The following CNTNAP5 variants were observed in gnomAD, a reference collection of about 807,000 sequenced individuals.
The protein encoded by CNTNAP5 is contactin associated protein family member 5.
Under a neutral mutation model 150.2 loss-of-function variants are expected in CNTNAP5, and 72 were observed. The observed-to-expected ratio is 0.48, with a 90% CI of 0.40 to 0.58. The LOEUF (loss-of-function observed/expected upper bound fraction) is 0.58, where lower values mean the gene tolerates loss of function less well. Ranked by LOEUF, CNTNAP5 falls within the 20% of genes least tolerant of loss-of-function variation. CNTNAP5 has a pLI of 0.00. For missense variants in CNTNAP5, 1,636 were observed against 1,626.2 expected, an observed-to-expected ratio of 1.01 and a Z score of -0.10; for synonymous variants, 672 against 619.8, an observed-to-expected ratio of 1.08 and a Z score of -1.25.
intron 1 of CNTNAP5, among the ~76,000 whole-genome samples, chr2:124,078,062 A>G (rs1682478619): frequency 6.6e-6 from 1 of 152,250 alleles, no homozygotes; most frequent in Non-Finnish European, 1.5e-5. Flanking sequence ...AAAATATTAC[A>G]AAAGATAGAG....
At chr2:124,069,231 G>A (rs1682239638) in intron 1 of CNTNAP5, among the ~76,000 whole-genome samples, 1 of 152,176 alleles carries the variant, frequency 6.6e-6, no homozygotes. Context: ...AGTGGTTATG[G>A]TGGCCACGAT....
At chr2:124,510,317 A>ATATCTATATATATATATCTATC (rs1694542687) in intron 8 of CNTNAP5, among the ~76,000 whole-genome samples, 1 of 123,110 alleles carries the variant, frequency 8.1e-6, no homozygotes, top group Non-Finnish European at 1.6e-5. Flanking sequence ...ATATATCTAT[A>ATATCTATATATATATATCTATC]TATCTATCTA....
chr2:124,842,443 A>G (rs1682963700), intron 19 of CNTNAP5, among the ~76,000 whole-genome samples: 1 of 152,118 alleles, frequency 6.6e-6, no homozygotes, highest in African/African-American at 2.4e-5. Context: ...AATTCAATGT[A>G]TTTTTATTTC....
Position 124,289,214 on chromosome 2 carries a change from G to A in CNTNAP5, c.381+46821G>A, listed in dbSNP as rs1437828349. ...TTTACTTTTTAATCTTCTAAAGACC[G>A]TTTCACTAATTAGACACCTATCATT... On this transcript the variant is annotated intron_variant, in intron 3 of 23. Transcript: ENST00000682447. Among the ~76,000 whole-genome samples the A allele has an allele frequency of 3.3e-5, 5 of 152,146 alleles. No homozygotes were observed. The East Asian group carries it at 5.8e-4, about 18-fold the overall frequency.
chr2:124,214,420 G>T lies in CNTNAP5; in HGVS notation c.83-7285G>T, dbSNP rs561764267. On this transcript the variant is annotated intron_variant, in intron 1 of 23. Coordinates refer to ENST00000682447, the MANE Select transcript of CNTNAP5 (RefSeq NM_001367498.1). Reference sequence around the variant, plus strand: ...TCTGGCCCCATCACCAGTCACTATTGCAGTGCAGGGAGTGGTGCTGTGTTT... The same window carrying T: ...TCTGGCCCCATCACCAGTCACTATTTCAGTGCAGGGAGTGGTGCTGTGTTT... Among the ~76,000 whole-genome samples the T allele has an allele frequency of 2.6e-5, 4 of 152,262 alleles. No homozygotes were observed. In the East Asian group the frequency reaches 7.7e-4, roughly 29 times the overall value.
At chr2:124,325,985 G>A (rs1003416504) in intron 3 of CNTNAP5, among the ~76,000 whole-genome samples, 1 of 152,166 alleles carries the variant, frequency 6.6e-6, no homozygotes, top group Non-Finnish European at 1.5e-5. Context: ...TAAGATTTCA[G>A]CTCAGCCATG....
chr2:124,470,352 A>G (rs1490693616), intron 6 of CNTNAP5, among the ~76,000 whole-genome samples: 2 of 151,934 alleles, frequency 1.3e-5, no homozygotes, highest in Non-Finnish European at 2.9e-5. Context: ...TATGCTTGTT[A>G]GCTGCATGTA....
chr2:124,251,737 T>C (rs558168406), intron 3 of CNTNAP5, among the ~76,000 whole-genome samples: 1 of 152,292 alleles, frequency 6.6e-6, no homozygotes, highest in East Asian at 1.9e-4. Flanking sequence ...AGTTTCTGAC[T>C]TGTCAGTAGA....
intron 1 of CNTNAP5, among the ~76,000 whole-genome samples, chr2:124,050,264 G>T (rs1681660190): frequency 6.6e-6 from 1 of 152,022 alleles, no homozygotes. Flanking sequence ...AGGAGTTTGA[G>T]GTCAGCCCCG....
intron 3 of CNTNAP5, among the ~76,000 whole-genome samples, chr2:124,408,609 C>T (rs1313750504): frequency 6.6e-6 from 1 of 151,866 alleles, no homozygotes; most frequent in Admixed American, 6.6e-5. Flanking sequence ...GGGAGGCACC[C>T]CCCAGCAGGG....
chr2:124,029,546 C>A (rs1451362083), intron 1 of CNTNAP5, among the ~76,000 whole-genome samples: 1 of 152,074 alleles, frequency 6.6e-6, no homozygotes, highest in East Asian at 1.9e-4. Context: ...GCGATTTCCA[C>A]ACAAGTTCAA....
intron 3 of CNTNAP5, among the ~76,000 whole-genome samples, chr2:124,285,449 G>A (rs533533002): frequency 4.3e-4 from 66 of 152,166 alleles, no homozygotes; most frequent in African/African-American, 1.5e-3. Flanking sequence ...TTTATGTGTT[G>A]GCTCTCATCT....
chr2:124,219,135 A>G (rs1686238884), intron 1 of CNTNAP5, among the ~76,000 whole-genome samples: 1 of 152,066 alleles, frequency 6.6e-6, no homozygotes, highest in South Asian at 2.1e-4. Flanking sequence ...TTGTTTCTTG[A>G]GCAATGTATG....
intron 1 of CNTNAP5, among the ~76,000 whole-genome samples, chr2:124,113,580 T>C (rs1683354070): frequency 6.6e-6 from 1 of 151,350 alleles, no homozygotes; most frequent in Non-Finnish European, 1.5e-5. Flanking sequence ...ATTGGAGCCC[T>C]AGTTCTCTCT....
chr2:124,604,507 G>A (rs544939010), intron 11 of CNTNAP5, among the ~76,000 whole-genome samples: 141 of 152,226 alleles, frequency 9.3e-4, no homozygotes, highest in Non-Finnish European at 1.6e-3. Context: ...TCAGCATTTC[G>A]AAACTGATGA....
At chr2:124,030,233 T>A (rs956587580) in intron 1 of CNTNAP5, among the ~76,000 whole-genome samples, 1 of 152,154 alleles carries the variant, frequency 6.6e-6, no homozygotes, top group Admixed American at 6.5e-5. Flanking sequence ...ATTCTAACAT[T>A]GTAAAGCAAT....
intron 18 of CNTNAP5, among the ~76,000 whole-genome samples, chr2:124,795,947 C>A (rs1378770697): frequency 6.6e-6 from 1 of 152,016 alleles, no homozygotes; most frequent in Non-Finnish European, 1.5e-5. Flanking sequence ...TCATCATGGT[C>A]ACTAGAAATC....
At chr2:124,518,615 G>A (rs1436245007) in intron 8 of CNTNAP5, among the ~76,000 whole-genome samples, 1 of 152,116 alleles carries the variant, frequency 6.6e-6, no homozygotes, top group East Asian at 1.9e-4. Flanking sequence ...ACAGAAATGT[G>A]TACACAAATG....
chr2:124,257,476 T>A (rs1687341081), intron 3 of CNTNAP5, among the ~76,000 whole-genome samples: 1 of 152,168 alleles, frequency 6.6e-6, no homozygotes, highest in South Asian at 2.1e-4. Context: ...CATACTACCA[T>A]CTTCACCTGG....
Sources: gnomAD v4.1 joint callset for allele counts (sites outside exome capture counted in the v4.1 genomes callset) on GRCh38, gnomAD v4.1.1 for gene constraint, MANE v1.5 for transcripts, NCBI Gene and HGNC (gene_info 2026-07-23, HGNC 2026-07-21) for gene names.